The following NFIB variants were observed in gnomAD, a reference collection of about 807,000 sequenced individuals.
The protein encoded by NFIB is nuclear factor I B, also known as nuclear factor 1 B-type.
In NFIB, 11 loss-of-function variants were observed where a neutral mutation model predicts 61.5. The ratio of observed to expected loss-of-function variants is 0.18; its 90% confidence interval spans 0.11 to 0.30. NFIB has a LOEUF of 0.30. Among genes scored for constraint, NFIB ranks in the 10% least tolerant of loss-of-function variants. The probability of loss-of-function intolerance (pLI) is 1.00; values close to 1 mark genes in which losing one functional copy is unlikely to be tolerated. For synonymous variants in NFIB, 260 were observed against 216.5 expected (o/e 1.20, Z -1.76); for missense variants, 471 against 608.9 (o/e 0.77, Z 2.38).
intron 1 of NFIB, among the ~76,000 whole-genome samples, chr9:14,394,278 G>C (rs1446415691): frequency 2.0e-5 from 3 of 152,190 alleles, no homozygotes; most frequent in Non-Finnish European, 2.9e-5. Context: ...TATGCTCATA[G>C]AGTAATGATT....
rs2055546306 is a variant in NFIB, at chr9:14,251,015, T to G, written c.562+55974A>C. Among the ~76,000 whole-genome samples, 2 of 152,254 alleles carry G rather than the reference T, an allele frequency of 1.3e-5. 1 individual carries two copies. Among genetic ancestry groups the G allele is most frequent in the African/African-American group, 4.8e-5 (2 of 41,466 alleles). On this transcript the variant is annotated intron_variant, in intron 2 of 10. Transcript: ENST00000380953. The stretch of plus-strand genomic sequence containing the variant: ...TCAGAGACTTTTCTTAGGTGATGTC[T>G]ATTCCTGAAGTATGATCAGAATGCA...
intron 2 of NFIB, among the ~76,000 whole-genome samples, chr9:14,245,122 C>T (rs1307958581): frequency 6.6e-6 from 1 of 152,166 alleles, no homozygotes; most frequent in East Asian, 1.9e-4. Flanking sequence ...GCCTGTCAGA[C>T]ATCAACACTT....
At chr9:14,531,669 A>C in the NFIB span, among the ~76,000 whole-genome samples, 1 of 142,654 alleles carries the variant, frequency 7.0e-6, no homozygotes, top group South Asian at 2.4e-4. Flanking sequence ...GACCGACTGT[A>C]CCATTTGCAT....
the NFIB span, among the ~76,000 whole-genome samples, chr9:14,524,732 G>C: frequency 6.6e-6 from 1 of 152,178 alleles, no homozygotes; most frequent in South Asian, 2.1e-4. Context: ...TTTGCAGATA[G>C]CATCATACAA....
At chr9:14,189,282 C>T (rs773681653) in intron 2 of NFIB, among the ~76,000 whole-genome samples, 12 of 152,262 alleles carry the variant, frequency 7.9e-5, no homozygotes, top group Non-Finnish European at 1.3e-4. Context: ...TCTTTCTTCT[C>T]AGGGAGCAGG....
At chr9:14,452,187 G>T in the NFIB span, among the ~76,000 whole-genome samples, 1 of 152,210 alleles carries the variant, frequency 6.6e-6, no homozygotes, top group Admixed American at 6.5e-5. Flanking sequence ...TGTCAACATT[G>T]ATGTGAACCA....
At chr9:14,304,598 G>A (rs1394509084) in intron 2 of NFIB, among the ~76,000 whole-genome samples, 1 of 152,156 alleles carries the variant, frequency 6.6e-6, no homozygotes, top group Non-Finnish European at 1.5e-5. Context: ...GAGAGAAAAA[G>A]GGGGAAACGT....
At chr9:14,322,786 G>GGTGGGTGC (rs1180801112) in intron 1 of NFIB, among the ~76,000 whole-genome samples, 2 of 151,752 alleles carry the variant, frequency 1.3e-5, no homozygotes, top group Admixed American at 6.6e-5. Context: ...CTCGAGCGTG[G>GGTGGGTGC]GTGGGTGCGT....
At chr9:14,408,512 AGGGGAC>A in the NFIB span, among the ~76,000 whole-genome samples, 1 of 152,212 alleles carries the variant, frequency 6.6e-6, no homozygotes, top group Admixed American at 6.5e-5. Flanking sequence ...ACAGAAAAAA[AGGGGAC>A]AAAGGGAATT....
intron 4 of NFIB, among the ~76,000 whole-genome samples, chr9:14,152,622 T>C (rs2042986068): frequency 6.6e-6 from 1 of 152,156 alleles, no homozygotes; most frequent in South Asian, 2.1e-4. Flanking sequence ...CAAAGATTTA[T>C]AGTTTCTATT....
intron 7 of NFIB, among the ~76,000 whole-genome samples, chr9:14,124,558 C>T (rs891180300): frequency 1.5e-4 from 23 of 152,080 alleles, no homozygotes; most frequent in Admixed American, 6.5e-5. Flanking sequence ...AAACCAGATT[C>T]GATTAGTCAG....
At chr9:14,495,446 C>CTTTTTTTTTTTTTTTTTTTTTTTTTTTTT in the NFIB span, among the ~76,000 whole-genome samples, 1 of 117,264 alleles carries the variant, frequency 8.5e-6, no homozygotes. Context: ...GAGAAATGAA[C>CTTTTTTTTTTTTTTTTTTTTTTTTTTTTT]TTTTTTTTTT....
intron 1 of NFIB, among the ~76,000 whole-genome samples, chr9:14,375,275 C>G (rs757542500): frequency 6.6e-6 from 1 of 152,170 alleles, no homozygotes; most frequent in East Asian, 1.9e-4. Context: ...ATCATTTATT[C>G]TCTCCAATCA....
rs146765479 is a variant in NFIB, at chr9:14,150,149, T to G, written c.802A>C (p.Ser268Arg). Residue 268 changes from serine (S) to arginine (R), a missense_variant, in exon 5 of 11, where the codon AGC becomes CGC. By Grantham distance (110) the Ser-to-Arg change is moderately radical. This residue lies in a region of NFIB where 372 missense variants were observed against 395.6 expected (regional missense o/e 0.94). Coordinates refer to ENST00000380953, the MANE Select transcript of NFIB (RefSeq NM_001190737.2). Reference protein sequence around the residue: ...NLQRSLSSPPSSKRPKTISID... With the variant: ...NLQRSLSSPPRSKRPKTISID... The stretch of plus-strand genomic sequence containing the variant: ...GAGCAGCCCTTCTTTCAGTACCTGC[T>G]TGGTGGAGAAGACAGAGACCTCTGA... 3.1e-6 allele frequency: 5 copies of G among 1,613,326 alleles called. No homozygotes were observed. The East Asian group carries it at 1.1e-4, about 36-fold the overall frequency.
intron 2 of NFIB, among the ~76,000 whole-genome samples, chr9:14,184,120 T>G (rs2047093680): frequency 1.3e-5 from 2 of 152,168 alleles, no homozygotes; most frequent in Admixed American, 1.3e-4. Flanking sequence ...GTGAGCAGTT[T>G]TTCCTATGAC....
chr9:14,121,596 A>G (rs2038948093), intron 7 of NFIB, among the ~76,000 whole-genome samples: 1 of 152,220 alleles, frequency 6.6e-6, no homozygotes, highest in African/African-American at 2.4e-5. Flanking sequence ...GTTTCTTTCA[A>G]AACCAAAAGA....
chr9:14,099,292 A>G (rs190029182), intron 10 of NFIB, among the ~76,000 whole-genome samples: 13 of 152,302 alleles, frequency 8.5e-5, no homozygotes, highest in African/African-American at 2.6e-4. Context: ...AAGGCAAATT[A>G]TTTAATTCTT....
the NFIB span, among the ~76,000 whole-genome samples, chr9:14,457,149 G>T: frequency 6.6e-6 from 1 of 152,146 alleles, no homozygotes; most frequent in African/African-American, 2.4e-5. Context: ...GAACATACAC[G>T]TAAGTACAGC....
At chr9:14,487,437 C>T in the NFIB span, among the ~76,000 whole-genome samples, 2 of 152,166 alleles carry the variant, frequency 1.3e-5, no homozygotes, top group African/African-American at 4.8e-5. Flanking sequence ...AATTTAAGGT[C>T]TTTTGGGAAG....
Sources: gnomAD v4.1 joint callset for allele counts (sites outside exome capture counted in the v4.1 genomes callset) on GRCh38, gnomAD v4.1.1 for gene constraint, gnomAD v4.1.1 regional missense constraint, MANE v1.5 for transcripts, NCBI Gene and HGNC (gene_info 2026-07-23, HGNC 2026-07-21) for gene names.